GNAI1: variants seen among roughly 807,000 people sequenced by gnomAD.
The protein encoded by GNAI1 is G protein subunit alpha i1, also known as guanine nucleotide-binding protein G(i) subunit alpha-1.
A neutral mutation model predicts 38.9 loss-of-function variants in GNAI1; 11 were observed. The observed-to-expected ratio is 0.28, with a 90% CI of 0.18 to 0.47. The LOEUF (loss-of-function observed/expected upper bound fraction) is 0.47, where lower values mean the gene tolerates loss of function less well. GNAI1 is among the 20% of genes least tolerant of loss of function. GNAI1 has a pLI of 0.99. For missense variants in GNAI1, 317 were observed against 436.9 expected (o/e 0.73, Z 2.45); for synonymous variants, 166 against 145.1 (o/e 1.14, Z -1.04).
intron 1 of GNAI1, among the ~76,000 whole-genome samples, chr7:80,145,817 C>A (rs1214883972): frequency 2.0e-5 from 3 of 152,066 alleles, no homozygotes; most frequent in East Asian, 3.9e-4. Flanking sequence ...CTGTGTGAAT[C>A]CTGTACACCC....
intron 1 of GNAI1, among the ~76,000 whole-genome samples, chr7:80,173,041 G>C (rs1217626075): frequency 6.6e-6 from 1 of 152,050 alleles, no homozygotes. Context: ...GCAAAATGAG[G>C]CCAGAAGACA....
chr7:80,220,859 G>GT lies in GNAI1; in HGVS notation c.*3369dup, dbSNP rs918944745. Among the ~76,000 whole-genome samples the GT allele has an allele frequency of 2.0e-5, 3 of 152,228 alleles. No homozygotes were observed. The highest frequency in any genetic ancestry group is 2.1e-4 in the South Asian group (1 of 4,822). On this transcript the variant is annotated 3_prime_UTR_variant, in exon 8 of 8. Transcript: ENST00000649796. ...TATTTCCAGAAAATGTGTAAGTAGT[G>GT]TTTCGCCTATCCCCACTCTGCCCTT... is the stretch of plus-strand genomic sequence containing the variant.
At chr7:80,199,099 A>G (rs1788634111) in intron 3 of GNAI1, 126 bp from the exon 4 acceptor site, 1 of 603,466 alleles carries the variant, frequency 1.7e-6, no homozygotes, top group African/African-American at 1.9e-5. Context: ...AAAAGTAATG[A>G]CGTGTTAATA....
intron 1 of GNAI1, among the ~76,000 whole-genome samples, chr7:80,181,138 T>C (rs1235768904): frequency 6.6e-6 from 1 of 152,130 alleles, no homozygotes; most frequent in Non-Finnish European, 1.5e-5. Flanking sequence ...ATATCTTATA[T>C]TGTAAAATTT....
intron 1 of GNAI1, among the ~76,000 whole-genome samples, chr7:80,165,229 A>G (rs866264027): frequency 5.9e-5 from 9 of 152,308 alleles, no homozygotes; most frequent in Middle Eastern, 6.8e-3. Flanking sequence ...ATCAATTTTC[A>G]TCTCTCAGTA....
chr7:80,199,802 G>T (rs561879363), intron 4 of GNAI1, among the ~76,000 whole-genome samples: 1 of 152,266 alleles, frequency 6.6e-6, no homozygotes, highest in South Asian at 2.1e-4. Context: ...CCAATGACAG[G>T]TACTGTAAGT....
rs1343211829 is a variant in GNAI1, at chr7:80,217,288, CT to C, written c.875-10del. 2.1e-6 allele frequency: 3 copies of C among 1,445,294 alleles called. No homozygotes were observed. Among genetic ancestry groups the C allele is most frequent in the Non-Finnish European group, 2.8e-6 (3 of 1,087,232 alleles). 89.5% of individuals were successfully genotyped at this position (1,445,294 alleles called of 1,614,324 possible). A position where few individuals can be genotyped will look rare whatever the true frequency, so the allele number is the denominator to read the frequency against. ...AACTTTTTGCATTTATGTTTCTTTC[CT>C]TTTTCCATCTCAGGATCAAACACAT... is the stretch of plus-strand genomic sequence containing the variant. On this transcript the variant is annotated splice_polypyrimidine_tract_variant and intron_variant, in intron 7 of 7. Transcript: ENST00000649796.
At chr7:80,176,429 T>C (rs1361655845) in intron 1 of GNAI1, among the ~76,000 whole-genome samples, 1 of 152,186 alleles carries the variant, frequency 6.6e-6, no homozygotes, top group Non-Finnish European at 1.5e-5. Flanking sequence ...TGAAGATGAC[T>C]ACACTAAACA....
chr7:80,153,165 A>G (rs1787757828), intron 1 of GNAI1, among the ~76,000 whole-genome samples: 1 of 152,202 alleles, frequency 6.6e-6, no homozygotes, highest in Admixed American at 6.5e-5. Context: ...CCCCTGCATG[A>G]TAGTGGTGGA....
At chr7:80,135,650 C>CCCA (rs1787397463) in intron 1 of GNAI1, 1 of 146,498 alleles carries the variant, frequency 6.8e-6, no homozygotes, top group Admixed American at 7.7e-5. Context: ...ATGAAAACAC[C>CCCA]CCCCCCCCCG....
rs1470621007 is a variant in GNAI1, at chr7:80,203,830, T to C, written c.588T>C (p.Phe196=). 1 of 1,523,650 alleles carries C rather than the reference T, an allele frequency of 6.6e-7. No homozygotes were observed. Among genetic ancestry groups the C allele is most frequent in the Non-Finnish European group, 9.0e-7 (1 of 1,106,310 alleles). 94.4% of individuals were successfully genotyped at this position (1,523,650 alleles called of 1,614,324 possible). A position where few individuals can be genotyped will look rare whatever the true frequency, so the allele number is the denominator to read the frequency against. The part of the protein sequence containing the change: ...ETHFTFKDLH[F]KMFDVGGQRS... The stretch of plus-strand genomic sequence containing the variant: ...ATTTTACTTTCAAAGATCTTCATTT[T>C]AAGTGAGTAGCTTTGAAATATATGA... The change falls in exon 5 of 8, where the codon TTT becomes TTC. Residue 196 remains phenylalanine (F), a splice_region_variant and synonymous_variant. Coordinates refer to ENST00000649796, the MANE Select transcript of GNAI1 (RefSeq NM_002069.6).
At position 80,192,776 on chromosome 7, in the gene GNAI1, A is replaced by G. The variant is rs554798809; in HGVS notation, c.303+3545A>G. On this transcript the variant is annotated intron_variant, in intron 3 of 7. Transcript: ENST00000649796. The stretch of plus-strand genomic sequence containing the variant: ...AGGAGCATGATCTCAGCTCACTGCA[A>G]CCTCCGCCTTCCTGGTTCAGCGATT... 1.7e-4 allele frequency among the ~76,000 whole-genome samples: 26 copies of G among 152,058 alleles called. 1 individual carries two copies. The highest frequency in any genetic ancestry group is 1.6e-3 in the Admixed American group (25 of 15,254).
intron 5 of GNAI1, among the ~76,000 whole-genome samples, chr7:80,206,625 T>G (rs1324053245): frequency 2.0e-5 from 3 of 152,046 alleles, no homozygotes; most frequent in Non-Finnish European, 2.9e-5. Flanking sequence ...ATTTTGGTTT[T>G]GTTCACCTTG....
chr7:80,186,647 T>C (rs953482148), intron 1 of GNAI1, among the ~76,000 whole-genome samples: 4 of 152,178 alleles, frequency 2.6e-5, no homozygotes, highest in African/African-American at 9.6e-5. Context: ...TTTCAGTTGT[T>C]TCACTAACAA....
chr7:80,164,950 A>G (rs374640195), intron 1 of GNAI1, among the ~76,000 whole-genome samples: 1 of 151,578 alleles, frequency 6.6e-6, no homozygotes, highest in Admixed American at 6.6e-5. Context: ...AAGTTAGAAA[A>G]TACGCCTATG....
chr7:80,174,014 G>A (rs1392699132), intron 1 of GNAI1, among the ~76,000 whole-genome samples: 1 of 152,136 alleles, frequency 6.6e-6, no homozygotes, highest in African/African-American at 2.4e-5. Context: ...ATGTGGGGAA[G>A]GATTGGAGGT....
chr7:80,161,895 A>C (rs942159181), intron 1 of GNAI1, among the ~76,000 whole-genome samples: 55 of 152,168 alleles, frequency 3.6e-4, no homozygotes, highest in African/African-American at 1.3e-3. Context: ...TTACTGGTAG[A>C]TACTTATACA....
At chr7:80,135,798 G>C (rs983649610) in intron 1 of GNAI1, 25 of 985,642 alleles carry the variant, frequency 2.5e-5, no homozygotes, top group Non-Finnish European at 2.4e-5. Context: ...TGGGGCTGAA[G>C]CGTCTTTCCT....
chr7:80,136,833 C>A (rs974692814), intron 1 of GNAI1, among the ~76,000 whole-genome samples: 2 of 152,144 alleles, frequency 1.3e-5, no homozygotes, highest in African/African-American at 4.8e-5. Flanking sequence ...AATGAATCAT[C>A]TGGTGGTGGT....
Sources: allele counts gnomAD v4.1 joint callset (sites outside exome capture counted in the v4.1 genomes callset), GRCh38; gene constraint gnomAD v4.1.1; transcripts MANE v1.5; gene names NCBI Gene and HGNC (gene_info 2026-07-23, HGNC 2026-07-21).